The following APOD variants were observed in gnomAD, a reference collection of about 807,000 sequenced individuals.
The protein encoded by APOD is apo-D.
APOD carries 22 observed loss-of-function variants against 20.4 expected under a neutral mutation model. The ratio of observed to expected loss-of-function variants is 1.08; its 90% CI spans 0.77 to 1.54. The LOEUF (loss-of-function observed/expected upper bound fraction) is 1.54. APOD is among the 40% of genes most tolerant of loss of function. The probability of loss-of-function intolerance (pLI) is 0.00; values close to 1 mark genes in which losing one functional copy is unlikely to be tolerated. For synonymous variants in APOD, 97 were observed against 92.4 expected (o/e 1.05, Z -0.29); for missense variants, 223 against 229.6 (o/e 0.97, Z 0.19).
At chr3:195,571,248 GA>G in intron 4 of APOD, 28 bp downstream of exon 4, 1 of 1,602,438 alleles carries the variant, frequency 6.2e-7, no homozygotes, top group Non-Finnish European at 8.6e-7. Context: ...TCCTGTCCCT[GA>G]ATCCTCCTGG....
intron 4 of APOD, chr3:195,570,634 C>T (rs1430004742): frequency 6.6e-6 from 1 of 152,490 alleles, no homozygotes; most frequent in East Asian, 1.9e-4. Context: ...GGGAAAGGGG[C>T]TTTCAAGCAC....
At chr3:195,573,812 C>A in intron 3 of APOD, 38 bp downstream of exon 3, 1 of 1,607,766 alleles carries the variant, frequency 6.2e-7, no homozygotes, top group Non-Finnish European at 8.5e-7. Flanking sequence ...TGCATCAGCA[C>A]TCCGCAGGCC....
intron 2 of APOD, among the ~76,000 whole-genome samples, chr3:195,574,505 CT>C (rs1720218819): frequency 6.6e-6 from 1 of 152,212 alleles, no homozygotes; most frequent in Admixed American, 6.5e-5. Flanking sequence ...TTAAAGGAAG[CT>C]GCCACTGTGT....
At position 195,579,412 on chromosome 3, in the gene APOD, G is replaced by T. The variant is rs764190179; in HGVS notation, c.50C>A (p.Ala17Glu). Reference sequence around the variant, plus strand: ...AAGATGAAATGCTTGTCCCTCTGCCGCACCGAAGAGGCCAGCCAGTGCGGA... The same window carrying T: ...AAGATGAAATGCTTGTCCCTCTGCCTCACCGAAGAGGCCAGCCAGTGCGGA... The part of the protein sequence containing the change: ...LLSALAGLFG[A>E]AEGQAFHLGK... Residue 17 changes from alanine (A) to glutamate (E), a missense_variant, in exon 2 of 5, where the codon GCG (alanine) becomes GAG (glutamate). By Grantham distance (107) the Ala-to-Glu change is moderately radical (BLOSUM62 -1). Transcript: ENST00000343267. 11 of 1,613,904 alleles carry T rather than the reference G, an allele frequency of 6.8e-6. No homozygotes were observed. In the Admixed American group the frequency reaches 1.5e-4, roughly 22 times the overall value.
chr3:195,583,772 A>T (rs757899251), intron 1 of APOD, 106 bp downstream of exon 1: 1 of 152,218 alleles, frequency 6.6e-6, no homozygotes, highest in Non-Finnish European at 1.5e-5. Context: ...CAAGCTCTCA[A>T]TCAGTGGTAG....
rs1281323922 is a variant in APOD, at chr3:195,569,032, A to T, written c.438T>A (p.Ala146=). The T allele has an allele frequency of 1.9e-6, 3 of 1,614,190 alleles. No individual in the cohort carries two copies. The East Asian group carries it at 6.7e-5, about 36-fold the overall frequency. The change falls in exon 5 of 5, where the codon GCT becomes GCA. Residue 146 remains alanine (A), a synonymous_variant. Transcript: ENST00000343267. ...GATTAGGGTTTCTTGCCAAGATCCA[A>T]GCAAAATCCACGTGAAAAAGTTGGA... ...CIIQLFHVDF[A]WILARNPNLP... is the part of the protein sequence containing the mutation.
At chr3:195,583,161 C>T (rs1274081650) in intron 1 of APOD, 1 of 152,152 alleles carries the variant, frequency 6.6e-6, no homozygotes, top group Non-Finnish European at 1.5e-5. Flanking sequence ...ACACTCTCTT[C>T]ATACCAACGA....
chr3:195,578,706 C>T (rs1340642945), intron 2 of APOD, among the ~76,000 whole-genome samples: 5 of 152,204 alleles, frequency 3.3e-5, no homozygotes, highest in Non-Finnish European at 7.3e-5. Context: ...TTTGAGTGAC[C>T]TTTGGGTGCC....
chr3:195,581,478 C>A (rs1372055044), intron 1 of APOD, among the ~76,000 whole-genome samples: 3 of 152,206 alleles, frequency 2.0e-5, no homozygotes, highest in African/African-American at 7.2e-5. Context: ...ACTGGCCACA[C>A]ACTATGCACA....
intron 1 of APOD, among the ~76,000 whole-genome samples, chr3:195,581,050 G>A (rs937858089): frequency 2.6e-5 from 4 of 152,206 alleles, no homozygotes; most frequent in Non-Finnish European, 5.9e-5. Flanking sequence ...TGAGCATTTC[G>A]AAGGATGTGT....
At chr3:195,571,022 T>A in intron 4 of APOD, 1 of 525,748 alleles carries the variant, frequency 1.9e-6, no homozygotes. Context: ...AAACGCTAGC[T>A]AGTTATAGTA....
intron 4 of APOD, among the ~76,000 whole-genome samples, chr3:195,570,353 A>G (rs887189247): frequency 1.3e-5 from 2 of 152,174 alleles, no homozygotes; most frequent in Non-Finnish European, 2.9e-5. Context: ...AGCCCTTTAC[A>G]GTTTACAGAG....
intron 3 of APOD, among the ~76,000 whole-genome samples, chr3:195,572,252 T>C (rs950162057): frequency 7.2e-5 from 11 of 152,326 alleles, no homozygotes; most frequent in South Asian, 4.1e-4. Flanking sequence ...AGACTCCCTC[T>C]AGTTCAGCAA....
chr3:195,572,785 G>GT (rs1313702424), intron 3 of APOD, among the ~76,000 whole-genome samples: 3 of 152,046 alleles, frequency 2.0e-5, no homozygotes, highest in Non-Finnish European at 4.4e-5. Flanking sequence ...GCCAAGGGGG[G>GT]GCGGATCACA....
chr3:195,573,673 A>G (rs115511115), intron 3 of APOD, among the ~76,000 whole-genome samples, 177 bp downstream of exon 3: 15 of 152,300 alleles, frequency 9.8e-5, no homozygotes, highest in African/African-American at 3.6e-4. Flanking sequence ...GAAATGCATA[A>G]GTGGATCCTA....
chr3:195,571,782 CT>C (rs34868553), intron 3 of APOD, among the ~76,000 whole-genome samples: 380 of 144,812 alleles, frequency 2.6e-3, no homozygotes, highest in East Asian at 0.011. Context: ...AGAAGATTCA[CT>C]TTTTTTTTTT....
intron 2 of APOD, chr3:195,577,004 G>A: frequency 5.1e-6 from 1 of 194,510 alleles, no homozygotes. Flanking sequence ...GGGCAACATG[G>A]TGAAACCCCG....
At chr3:195,572,881 T>A (rs1577603330) in intron 3 of APOD, among the ~76,000 whole-genome samples, 1 of 150,306 alleles carries the variant, frequency 6.7e-6, no homozygotes, top group Non-Finnish European at 1.5e-5. Context: ...AGAAAGTCAG[T>A]AGGTTAATGC....
At chr3:195,574,094 C>G (rs1194213595) in intron 2 of APOD, 123 bp from the exon 3 acceptor site, 2 of 1,348,998 alleles carry the variant, frequency 1.5e-6, no homozygotes, top group Non-Finnish European at 2.0e-6. Flanking sequence ...CCTCATTGTT[C>G]CCAGTGGCAA....
Sources: allele counts gnomAD v4.1 joint callset (sites outside exome capture counted in the v4.1 genomes callset), GRCh38; gene constraint gnomAD v4.1.1; transcripts MANE v1.5; gene names NCBI Gene and HGNC (gene_info 2026-07-23, HGNC 2026-07-21).